Variants in TXNDC12 observed in about 807,000 individuals in gnomAD.
The protein encoded by TXNDC12 is thioredoxin domain containing 12, also known as thioredoxin domain-containing protein 12.
In TXNDC12, 22 loss-of-function variants were observed where a neutral mutation model predicts 24.2. The ratio of observed to expected loss-of-function variants is 0.91; its 90% confidence interval spans 0.65 to 1.30. TXNDC12 has a LOEUF of 1.30. Among genes scored for constraint, TXNDC12 ranks in the 50% most tolerant of loss-of-function variants. TXNDC12 has a pLI of 0.00. For missense variants in TXNDC12, 184 were observed against 205.8 expected (o/e 0.89, Z 0.65); for synonymous variants, 58 against 73.4 (o/e 0.79, Z 1.07).
intron 6 of TXNDC12, among the ~76,000 whole-genome samples, chr1:52,021,810 A>G (rs1426632135): frequency 6.6e-6 from 1 of 152,216 alleles, no homozygotes; most frequent in Non-Finnish European, 1.5e-5. Flanking sequence ...TAAGAGGCAG[A>G]TAATACAGTT....
chr1:52,036,332 G>T (rs1223149631), intron 2 of TXNDC12, among the ~76,000 whole-genome samples: 2 of 151,774 alleles, frequency 1.3e-5, no homozygotes, highest in African/African-American at 4.8e-5. Context: ...AAGCAGGGGG[G>T]CAAAAAAGAA....
intron 1 of TXNDC12, 31 bp from the exon 2 acceptor site, chr1:52,041,628 A>G: frequency 6.7e-7 from 1 of 1,493,440 alleles, no homozygotes; most frequent in Non-Finnish European, 9.3e-7. Context: ...AAGCATTCAC[A>G]TAATGAACAA....
chr1:52,044,353 A>G (rs1686048355), intron 1 of TXNDC12: 1 of 152,212 alleles, frequency 6.6e-6, no homozygotes, highest in African/African-American at 2.4e-5. Flanking sequence ...ACAACCCTCA[A>G]AAGAGACTAA....
At chr1:52,042,033 C>T (rs1274869764) in intron 1 of TXNDC12, among the ~76,000 whole-genome samples, 3 of 152,160 alleles carry the variant, frequency 2.0e-5, no homozygotes. Context: ...TGTGTGAATT[C>T]TTGTGAGTGA....
At position 52,020,397 on chromosome 1, in the gene TXNDC12, C is replaced by CCGGGCGCGGTGGCTCACG; in HGVS notation, c.*535_*536insCGTGAGCCACCGCGCCCG. ...GAGGCTGTAGAAATTTGGGAAGAAG[C>CCGGGCGCGGTGGCTCACG]CCACAATTATTCCCAGGAGAAAAAA... On this transcript the variant is annotated 3_prime_UTR_variant, in exon 7 of 7. Transcript: ENST00000371626. 3.4e-6 allele frequency: 1 copy of CCGGGCGCGGTGGCTCACG among 293,392 alleles called. No individual in the cohort carries two copies. The highest frequency in any genetic ancestry group is 5.5e-5 in the South Asian group (1 of 18,312). 18.2% of individuals were successfully genotyped at this position (293,392 alleles called of 1,614,324 possible).
At chr1:52,048,906 A>G (rs1404591426) in intron 1 of TXNDC12, among the ~76,000 whole-genome samples, 1 of 152,086 alleles carries the variant, frequency 6.6e-6, no homozygotes, top group Non-Finnish European at 1.5e-5. Flanking sequence ...CCATGTACCT[A>G]GGCCACTCAG....
intron 6 of TXNDC12, 148 bp from the exon 7 acceptor site, chr1:52,021,160 A>C: frequency 1.6e-6 from 1 of 609,024 alleles, no homozygotes; most frequent in Non-Finnish European, 2.9e-6. Context: ...TGGCCCTGGC[A>C]AGTCATTTAT....
intron 4 of TXNDC12, among the ~76,000 whole-genome samples, chr1:52,025,120 A>G (rs922613816): frequency 2.6e-5 from 4 of 152,174 alleles, no homozygotes; most frequent in South Asian, 2.1e-4. Flanking sequence ...TGACTTGCAC[A>G]TAGTATTTCT....
At chr1:52,055,224 T>G (rs1229641126), upstream of TXNDC12, 1 of 664,770 alleles carries the variant, frequency 1.5e-6, no homozygotes, top group Non-Finnish European at 2.7e-6. Flanking sequence ...TTTTTCAAAC[T>G]CTGAAGGAAG....
At chr1:52,038,524 C>G (rs557703590) in intron 2 of TXNDC12, among the ~76,000 whole-genome samples, 1 of 152,230 alleles carries the variant, frequency 6.6e-6, no homozygotes, top group South Asian at 2.1e-4. Flanking sequence ...GTTGGCCAGG[C>G]TGGTCATAAA....
chr1:52,049,748 T>C (rs569764931), intron 1 of TXNDC12, among the ~76,000 whole-genome samples: 1 of 152,104 alleles, frequency 6.6e-6, no homozygotes, highest in East Asian at 1.9e-4. Flanking sequence ...ATGTTGCCCA[T>C]GCTGGTTTTG....
At chr1:52,030,008 A>G (rs2124364506) in intron 2 of TXNDC12, among the ~76,000 whole-genome samples, 1 of 152,318 alleles carries the variant, frequency 6.6e-6, no homozygotes, top group East Asian at 1.9e-4. Flanking sequence ...GGTAGATACT[A>G]TTAATGGTCT....
At chr1:52,034,820 G>A (rs1014861936) in intron 2 of TXNDC12, among the ~76,000 whole-genome samples, 2 of 152,118 alleles carry the variant, frequency 1.3e-5, no homozygotes, top group African/African-American at 4.8e-5. Context: ...CTGGACCACA[G>A]TGGTATGATC....
chr1:52,033,763 C>T, intron 2 of TXNDC12: 1 of 1,590,418 alleles, frequency 6.3e-7, no homozygotes, highest in African/African-American at 1.3e-5. Context: ...GAGCGGCATC[C>T]TCTCAGGGAG....
At chr1:52,035,555 T>C (rs1243298386) in intron 2 of TXNDC12, among the ~76,000 whole-genome samples, 2 of 151,976 alleles carry the variant, frequency 1.3e-5, no homozygotes, top group African/African-American at 2.4e-5. Flanking sequence ...AAAAATACTT[T>C]TTAAAAAATT....
At chr1:52,054,887 C>T in intron 1 of TXNDC12, 113 bp downstream of exon 1, 1 of 743,398 alleles carries the variant, frequency 1.3e-6, no homozygotes. Flanking sequence ...AAAAAGAAAT[C>T]TGGAGTGGCC....
At chr1:52,048,181 C>T (rs1406353451) in intron 1 of TXNDC12, among the ~76,000 whole-genome samples, 1 of 152,058 alleles carries the variant, frequency 6.6e-6, no homozygotes, top group Admixed American at 6.6e-5. Context: ...AAAAGCATAC[C>T]TAGCCAGTTG....
In TXNDC12 at chr1:52,045,114, T is replaced by C. The variant is rs570785923; in HGVS notation, c.98-3517A>G. 6.6e-5 allele frequency among the ~76,000 whole-genome samples: 10 copies of C among 152,198 alleles called. No homozygotes were observed. In the South Asian group the frequency reaches 2.1e-3, roughly 32 times the overall value. ...GAGTAATCAAGCCACGAAAAGACAT[T>C]GAAGAACCTTAAACATATACTAAGT... On this transcript the variant is annotated intron_variant, in intron 1 of 6. Coordinates refer to ENST00000371626, the MANE Select transcript of TXNDC12 (RefSeq NM_015913.4).
At chr1:52,044,493 A>G (rs1686051524) in intron 1 of TXNDC12, among the ~76,000 whole-genome samples, 2 of 152,238 alleles carry the variant, frequency 1.3e-5, no homozygotes, top group Non-Finnish European at 2.9e-5. Context: ...ATGAGCTCAC[A>G]ATCATGGATC....
Sources: allele counts gnomAD v4.1 joint callset (sites outside exome capture counted in the v4.1 genomes callset), GRCh38; gene constraint gnomAD v4.1.1; transcripts MANE v1.5; gene names NCBI Gene and HGNC (gene_info 2026-07-23, HGNC 2026-07-21).